The following COQ5 variants were observed in gnomAD, a reference collection of about 807,000 sequenced individuals.
COQ5 encodes 2-methoxy-6-polyprenyl-1,4-benzoquinol methylase, mitochondrial.
In COQ5, 27 loss-of-function variants were observed where a neutral mutation model predicts 40.5. The observed-to-expected ratio is 0.67, with a 90% confidence interval of 0.49 to 0.92. COQ5 has a LOEUF of 0.92. Ranked by LOEUF, COQ5 falls within the 40% of genes least tolerant of loss-of-function variation. COQ5 has a pLI of 0.00. For missense variants in COQ5, 409 were observed against 406.4 expected, an observed-to-expected ratio of 1.01 and a Z score of -0.06; for synonymous variants, 141 against 150.0, an observed-to-expected ratio of 0.94 and a Z score of 0.44.
chr12:120,504,568 T>TG, intron 5 of COQ5: 5 of 339,260 alleles, frequency 1.5e-5, no homozygotes, highest in Non-Finnish European at 2.3e-5. Context: ...GATTTTTTTT[T>TG]TTTTAAGCCA....
intron 1 of COQ5, among the ~76,000 whole-genome samples, chr12:120,526,698 A>ATTTTTTTTTTTTTCTT (rs1869961446): frequency 1.6e-5 from 1 of 64,088 alleles, no homozygotes; most frequent in African/African-American, 8.2e-5. Context: ...ACTCTTGGCA[A>ATTTTTTTTTTTTTCTT]TTTTTTTTTT....
chr12:120,523,783 G>T, intron 1 of COQ5: 1 of 244,056 alleles, frequency 4.1e-6, no homozygotes, highest in South Asian at 3.6e-5. Context: ...TCCAAGGGGG[G>T]TGGTTCACTC....
rs1236855442 is a variant in COQ5 at position 120,522,358 on chromosome 12, G to C, written c.208C>G (p.Gln70Glu). 1 of 1,613,138 alleles carries C rather than the reference G, an allele frequency of 6.2e-7. No homozygotes were observed. Among genetic ancestry groups the C allele is most frequent in the East Asian group, 2.2e-5 (1 of 44,872 alleles). ...SEEEKGGKVY[Q>E]VFESVAKKYD... ...TTCTTAGCCACACTTTCAAACACCT[G>C]ATAGACTGACATGGGAGAAACACAC... Residue 70 changes from glutamine to glutamate, a missense_variant, in exon 2 of 7, where the codon CAG becomes GAG. Gln to Glu is a conservative substitution (Grantham distance 29). Transcript: ENST00000288532.
chr12:120,522,453 G>A, intron 1 of COQ5, 90 bp from the exon 2 acceptor site: 1 of 1,288,916 alleles, frequency 7.8e-7, no homozygotes, highest in African/African-American at 1.5e-5. Context: ...TTTTTCCCCT[G>A]AAATGACCTG....
Position 120,503,474 on chromosome 12 carries a change from C to A in COQ5, c.*310G>T. On this transcript the variant is annotated 3_prime_UTR_variant, in exon 7 of 7. Coordinates refer to ENST00000288532, the MANE Select transcript of COQ5 (RefSeq NM_032314.4). ...CACCAGCAGAGAAGCTATAAATACA[C>A]TCACTTCAAAACTGAGCTTTAGGGG... 1 of 496,444 alleles carries A rather than the reference C, an allele frequency of 2.0e-6. No individual in the cohort carries two copies. Among genetic ancestry groups the A allele is most frequent in the Non-Finnish European group, 3.9e-6 (1 of 254,362 alleles). The allele number at this position is 496,444 out of a possible 1,614,324, so 30.8% of individuals were successfully genotyped here.
intron 1 of COQ5, chr12:120,526,598 A>C (rs538490410): frequency 3.0e-6 from 1 of 333,980 alleles, no homozygotes; most frequent in East Asian, 9.0e-5. Flanking sequence ...TATCAGAAGT[A>C]GATAAAAACT....
chr12:120,507,265 T>C (rs929261073), intron 4 of COQ5, among the ~76,000 whole-genome samples: 1 of 151,342 alleles, frequency 6.6e-6, no homozygotes, highest in Non-Finnish European at 1.5e-5. Flanking sequence ...GAAATATAAA[T>C]ATAAATGGAA....
At position 120,503,982 on chromosome 12, in the gene COQ5, C is replaced by A. The variant is rs143506842; in HGVS notation, c.870G>T (p.Arg290Ser). 2 of 1,612,088 alleles carry A rather than the reference C, an allele frequency of 1.2e-6. No homozygotes were observed. The highest frequency in any genetic ancestry group is 2.2e-5 in the East Asian group (1 of 44,874). The change falls in exon 6 of 7, where the codon AGG becomes AGT. Residue 290 changes from arginine to serine, a missense_variant. Arg to Ser is a moderately radical substitution (Grantham distance 110, BLOSUM62 -1). Transcript: ENST00000288532. ...AGAAGTTTCATACCTGAGACGGAAA[C>A]CTTCGGATACTCTCTACAAGGTACT... Reference protein sequence around the residue: ...SYQYLVESIRRFPSQEEFKDM... With the variant: ...SYQYLVESIRSFPSQEEFKDM...
At position 120,516,638 on chromosome 12, in the gene COQ5, A is replaced by G; in HGVS notation, c.503T>C (p.Val168Ala). Residue 168 changes from valine (V) to alanine (A), a missense_variant, in exon 3 of 7, where the codon GTG becomes GCG. Coordinates refer to ENST00000288532, the MANE Select transcript of COQ5 (RefSeq NM_032314.4). ...CATCTCCTTGTTGATGTCACACACCACGACACGAGACCCGCCCAAGGAATC... is the reference window on the plus strand; with the variant it reads ...CATCTCCTTGTTGATGTCACACACCGCGACACGAGACCCGCCCAAGGAATC... ...EEDSLGGSRV[V>A]VCDINKEMLK... 1 of 1,614,084 alleles carries G rather than the reference A, an allele frequency of 6.2e-7. No homozygotes were observed. The highest frequency in any genetic ancestry group is 1.1e-5 in the South Asian group (1 of 91,076).
At chr12:120,517,738 G>C (rs1869445926) in intron 2 of COQ5, among the ~76,000 whole-genome samples, 1 of 151,248 alleles carries the variant, frequency 6.6e-6, no homozygotes, top group African/African-American at 2.4e-5. Flanking sequence ...ATATTGTTCA[G>C]GACAAATCCA....
At chr12:120,509,342 C>G (rs1869023691) in intron 4 of COQ5, among the ~76,000 whole-genome samples, 1 of 152,094 alleles carries the variant, frequency 6.6e-6, no homozygotes, top group Non-Finnish European at 1.5e-5. Context: ...CATGGCAAAA[C>G]CCCATCTCTA....
Position 120,504,031 on chromosome 12 carries a change from A to G in COQ5, c.821T>C (p.Ile274Thr). 1 of 1,613,870 alleles carries G rather than the reference A, an allele frequency of 6.2e-7. No homozygotes were observed. The highest frequency in any genetic ancestry group is 8.5e-7 in the Non-Finnish European group (1 of 1,179,736). Residue 274 changes from isoleucine (I) to threonine (T), a missense_variant, in exon 6 of 7, where the codon ATC becomes ACC. By Grantham distance (89) the Ile-to-Thr change is moderately conservative (BLOSUM62 -1). Transcript: ENST00000288532. ...FQVIPVLGEV[I>T]AGDWKSYQYL... ...CTGATAGGACTTCCAGTCTCCAGCG[A>G]TGACCTCTCCCAGGACAGGGATGAC...
intron 2 of COQ5, among the ~76,000 whole-genome samples, chr12:120,521,432 C>A (rs1869645311): frequency 1.3e-5 from 2 of 151,908 alleles, no homozygotes; most frequent in South Asian, 4.1e-4. Context: ...AATCCCAGCA[C>A]CTTGGGAGGC....
chr12:120,528,870 CCT>C (rs1176393200), intron 1 of COQ5, 68 bp downstream of exon 1: 6 of 1,391,690 alleles, frequency 4.3e-6, no homozygotes, highest in Non-Finnish European at 6.1e-6. Flanking sequence ...TTAAATCAAC[CCT>C]AACTGGCCAG....
At chr12:120,505,556 TTTTG>T (rs1277889249) in intron 4 of COQ5, among the ~76,000 whole-genome samples, 1 of 151,762 alleles carries the variant, frequency 6.6e-6, no homozygotes, top group Non-Finnish European at 1.5e-5. Context: ...CCCGCTAATT[TTTTG>T]TTTGTTTGTT....
intron 1 of COQ5, chr12:120,527,498 T>C (rs1298171685): frequency 6.6e-6 from 1 of 152,190 alleles, no homozygotes; most frequent in Non-Finnish European, 1.5e-5. Context: ...TTTTTCCCAT[T>C]GATTAAGGTC....
At chr12:120,522,584 G>A (rs1339203306) in intron 1 of COQ5, 3 of 645,434 alleles carry the variant, frequency 4.6e-6, no homozygotes, top group Non-Finnish European at 8.3e-6. Context: ...AGCACAGGAG[G>A]ACCCCAGCCC....
chr12:120,519,052 G>A (rs201508086), intron 2 of COQ5, among the ~76,000 whole-genome samples: 1 of 152,076 alleles, frequency 6.6e-6, no homozygotes, highest in East Asian at 1.9e-4. Context: ...CACTTAATAT[G>A]TCCTTGCAAC....
Position 120,504,090 on chromosome 12 carries a change from AC to A in COQ5, c.771-10del. 1 of 1,504,982 alleles carries A rather than the reference AC, an allele frequency of 6.6e-7. No individual in the cohort carries two copies. The highest frequency in any genetic ancestry group is 1.1e-5 in the South Asian group (1 of 88,696). 93.2% of individuals were successfully genotyped at this position (1,504,982 alleles called of 1,614,324 possible). A position where few individuals can be genotyped will look rare whatever the true frequency, so the allele number is the denominator to read the frequency against. ...TATATAGATCATAAAGCCTAGGCAAACAAAAAGGTAAAAGATGAAGATTAGA... is the reference window on the plus strand; with the variant it reads ...TATATAGATCATAAAGCCTAGGCAAAAAAAAGGTAAAAGATGAAGATTAGA... On this transcript the variant is annotated splice_polypyrimidine_tract_variant and intron_variant, in intron 5 of 6. Transcript: ENST00000288532.
Sources: gnomAD v4.1 joint callset for allele counts (sites outside exome capture counted in the v4.1 genomes callset) on GRCh38, gnomAD v4.1.1 for gene constraint, MANE v1.5 for transcripts, NCBI Gene and HGNC (gene_info 2026-07-23, HGNC 2026-07-21) for gene names.